Variants in GOLGA1 observed in about 807,000 individuals in gnomAD.
GOLGA1 encodes golgin subfamily A member 1.
GOLGA1 carries 63 observed loss-of-function variants against 119.7 expected under a neutral mutation model. That is an observed-to-expected ratio of 0.53 (90% CI 0.43 to 0.65). The LOEUF (loss-of-function observed/expected upper bound fraction) is 0.65. Ranked by LOEUF, GOLGA1 falls within the 30% of genes least tolerant of loss-of-function variation. The probability of loss-of-function intolerance (pLI) is 0.00; values close to 1 mark genes in which losing one functional copy is unlikely to be tolerated. For synonymous variants in GOLGA1, 318 were observed against 333.4 expected, an observed-to-expected ratio of 0.95 and a Z score of 0.50; for missense variants, 798 against 912.8, an observed-to-expected ratio of 0.87 and a Z score of 1.62.
chr9:124,906,160 G>A (rs747031523), intron 12 of GOLGA1, among the ~76,000 whole-genome samples: 23 of 128,342 alleles, frequency 1.8e-4, no homozygotes, highest in African/African-American at 3.2e-4. Context: ...AGGGCCTGGC[G>A]CAGTGGGTCA....
chr9:124,881,202 T>C lies in GOLGA1; in HGVS notation c.2192A>G (p.Glu731Gly). 6.3e-7 allele frequency: 1 copy of C among 1,591,798 alleles called. No individual in the cohort carries two copies. Among genetic ancestry groups the C allele is most frequent in the Non-Finnish European group, 8.6e-7 (1 of 1,159,480 alleles). ...SVLLNFSQEE[E>G]NMLKETLEYK... ...TTCCAGAGTTTCCTTGAGCATGTTC[T>C]CCTCCTCTTGGGAAAAGTTCAGCAA... Residue 731 changes from glutamate (E) to glycine (G), a missense_variant, in exon 22 of 23, where the codon GAG (glutamate) becomes GGG (glycine). Transcript: ENST00000373555. This position sits in a 1 kb window ranked among gnomAD's most constrained non-coding sequence, Gnocchi z 4.9.
At chr9:124,935,763 CAAAAAAA>C (rs33934422) in intron 3 of GOLGA1, among the ~76,000 whole-genome samples, 1 of 103,590 alleles carries the variant, frequency 9.7e-6, no homozygotes, top group African/African-American at 3.7e-5. Flanking sequence ...ACTCTGTCTC[CAAAAAAA>C]AAAAAAAAAA....
In GOLGA1 at chr9:124,899,996, A is replaced by G. The variant is rs535183868; in HGVS notation, c.1161+456T>C. On this transcript the variant is annotated intron_variant, in intron 13 of 22. Coordinates refer to ENST00000373555, the MANE Select transcript of GOLGA1 (RefSeq NM_002077.4). ...GCAAGGACTAAACGAAAACACGTGC[A>G]TAGCACTGAGCACAGTGCCTGGGAC... The G allele has an allele frequency of 1.5e-4, 28 of 187,760 alleles. No homozygotes were observed. The South Asian group carries it at 3.1e-3, about 21-fold the overall frequency. 11.6% of individuals were successfully genotyped at this position (187,760 alleles called of 1,614,324 possible).
chr9:124,895,210 G>A (rs1829940759), intron 15 of GOLGA1, among the ~76,000 whole-genome samples: 1 of 141,512 alleles, frequency 7.1e-6, no homozygotes, highest in African/African-American at 2.7e-5. Context: ...ATCCACAACA[G>A]AGAACCATCC....
At chr9:124,889,073 C>T (rs1829794437) in intron 18 of GOLGA1, 70 bp downstream of exon 18, 4 of 1,288,440 alleles carry the variant, frequency 3.1e-6, no homozygotes, top group Admixed American at 1.9e-5. Flanking sequence ...ACTGCTGCCT[C>T]CTTAGGGGCA....
chr9:124,893,189 T>C (rs1829896799), intron 15 of GOLGA1, among the ~76,000 whole-genome samples: 1 of 152,054 alleles, frequency 6.6e-6, no homozygotes, highest in Non-Finnish European at 1.5e-5. Flanking sequence ...CTAATAAAAA[T>C]AGTAAAAATA....
At chr9:124,935,541 A>G (rs1019476645) in intron 3 of GOLGA1, among the ~76,000 whole-genome samples, 1 of 152,188 alleles carries the variant, frequency 6.6e-6, no homozygotes, top group Non-Finnish European at 1.5e-5. Flanking sequence ...AGCTGCCTGT[A>G]ATCCTAGCAC....
Position 124,888,218 on chromosome 9 carries a change from G to A in GOLGA1, c.1905+35C>T, listed in dbSNP as rs759592022. ...TTAGGCCTGAGGGTGAGGACCTGGT[G>A]GAGACAGAAACAGCCATGCAAAAGG... On this transcript the variant is annotated intron_variant, in intron 19 of 22. Transcript: ENST00000373555. This position sits in a 1 kb window ranked among gnomAD's most constrained non-coding sequence, Gnocchi z 4.4. 11 of 1,605,538 alleles carry A rather than the reference G, an allele frequency of 6.9e-6. No individual in the cohort carries two copies. The highest frequency in any genetic ancestry group is 9.4e-6 in the Non-Finnish European group (11 of 1,172,408).
chr9:124,894,155 T>G (rs1259929483), intron 15 of GOLGA1, among the ~76,000 whole-genome samples: 1 of 152,224 alleles, frequency 6.6e-6, no homozygotes, highest in African/African-American at 2.4e-5. Flanking sequence ...TAGCGCTTTC[T>G]GCCCTGTACT....
At chr9:124,922,481 G>A (rs1830590582) in intron 8 of GOLGA1, among the ~76,000 whole-genome samples, 1 of 150,104 alleles carries the variant, frequency 6.7e-6, no homozygotes, top group Non-Finnish European at 1.5e-5. Context: ...AGTCTGGGAG[G>A]TCGAGGCTGC....
At chr9:124,917,478 T>C (rs1830470191) in intron 10 of GOLGA1, among the ~76,000 whole-genome samples, 1 of 152,170 alleles carries the variant, frequency 6.6e-6, no homozygotes, top group African/African-American at 2.4e-5. Flanking sequence ...TGTCCTCCCA[T>C]ATCTATTACA....
intron 4 of GOLGA1, among the ~76,000 whole-genome samples, chr9:124,930,832 T>A (rs1830758045): frequency 6.6e-6 from 1 of 152,202 alleles, no homozygotes; most frequent in Admixed American, 6.5e-5. Context: ...GAGTGACACC[T>A]TCTATGCAGG....
chr9:124,909,311 T>TA (rs200519522), intron 11 of GOLGA1, among the ~76,000 whole-genome samples: 2,385 of 137,848 alleles, frequency 0.017, 68 homozygotes, highest in East Asian at 0.12. Context: ...GACTCTGTCT[T>TA]AAAAAAAAAA....
Position 124,926,741 on chromosome 9 carries a change from C to A in GOLGA1, c.400G>T (p.Glu134Ter). 1 of 1,552,196 alleles carries A rather than the reference C, an allele frequency of 6.4e-7. No homozygotes were observed. The highest frequency in any genetic ancestry group is 8.8e-7 in the Non-Finnish European group (1 of 1,131,050). The change falls in exon 7 of 23, where the codon GAA becomes TAA. Residue 134 changes from glutamate (E) to a stop codon, truncating the protein, a stop_gained and splice_region_variant. Transcript: ENST00000373555. LOFTEE classifies it high-confidence loss of function. ...LALALARKDQ[E>*]WSEKMDQLEK... ...AGCTGATCCATCTTTTCTGACCATT[C>A]CTAAAACAAAACAATAAAAAAGTAT...
At chr9:124,921,634 G>A in intron 9 of GOLGA1, 89 bp downstream of exon 9, 1 of 1,002,240 alleles carries the variant, frequency 1.0e-6, no homozygotes, top group South Asian at 1.5e-5. Context: ...TCAGAAAGTG[G>A]TGTAATGAAC....
At chr9:124,923,347 G>C (rs1435663133) in intron 7 of GOLGA1, 124 bp from the exon 8 acceptor site, 1 of 739,904 alleles carries the variant, frequency 1.4e-6, no homozygotes, top group African/African-American at 1.8e-5. Flanking sequence ...TAGTTGCCCA[G>C]GCTGGCCTTG....
intron 14 of GOLGA1, 151 bp downstream of exon 14, chr9:124,899,178 A>G: frequency 1.6e-6 from 1 of 640,348 alleles, no homozygotes; most frequent in South Asian, 2.2e-5. Context: ...CCTGGGTGAC[A>G]GAGTGAGACC....
In GOLGA1 at chr9:124,888,422, G is replaced by A. The variant is rs186858961; in HGVS notation, c.1762-26C>T. On this transcript the variant is annotated intron_variant, in intron 18 of 22. Transcript: ENST00000373555. This position sits in a 1 kb window ranked among gnomAD's most constrained non-coding sequence, Gnocchi z 4.4. ...CTACAAGGTGGCAGCAGCAAATTGA[G>A]AGCCAGGACAGGTCAGGTGAAGCTG... 2.0e-5 allele frequency: 32 copies of A among 1,612,394 alleles called. 1 individual carries two copies. Among genetic ancestry groups the A allele is most frequent in the Admixed American group, 1.8e-4 (11 of 60,006 alleles).
rs1462991166 is a variant in GOLGA1 at position 124,879,865 on chromosome 9, C to T, written c.*665G>A. ...AAAAGGCAATTGAGTGTATTTGGTACTAAGGGTCTTTTCATATATTTGCTA... is the reference window on the plus strand; with the variant it reads ...AAAAGGCAATTGAGTGTATTTGGTATTAAGGGTCTTTTCATATATTTGCTA... On this transcript the variant is annotated 3_prime_UTR_variant, in exon 23 of 23. Coordinates refer to ENST00000373555, the MANE Select transcript of GOLGA1 (RefSeq NM_002077.4). The T allele has an allele frequency of 6.6e-6, 1 of 152,560 alleles. No homozygotes were observed. Among genetic ancestry groups the T allele is most frequent in the Non-Finnish European group, 1.5e-5 (1 of 68,068 alleles). 9.5% of individuals were successfully genotyped at this position (152,560 alleles called of 1,614,324 possible).
Sources: allele counts gnomAD v4.1 joint callset (sites outside exome capture counted in the v4.1 genomes callset), GRCh38; gene constraint gnomAD v4.1.1; non-coding constraint Gnocchi (gnomAD v3.1); transcripts MANE v1.5; gene names NCBI Gene and HGNC (gene_info 2026-07-23, HGNC 2026-07-21).